The following PAPPA2 variants were observed in gnomAD, a reference collection of about 807,000 sequenced individuals.
The protein encoded by PAPPA2 is pappalysin 2, also known as pappalysin-2.
A neutral mutation model predicts 176.4 loss-of-function variants in PAPPA2; 86 were observed. The ratio of observed to expected loss-of-function variants is 0.49; its 90% CI spans 0.41 to 0.58. PAPPA2 has a LOEUF of 0.58. PAPPA2 is among the 20% of genes least tolerant of loss of function. The pLI is 0.00. For missense variants in PAPPA2, 2,073 were observed against 2,256.9 expected (o/e 0.92, Z 1.65); for synonymous variants, 809 against 852.2 (o/e 0.95, Z 0.88).
At chr1:176,494,183 G>A (rs1209342058) in intron 1 of PAPPA2, among the ~76,000 whole-genome samples, 4 of 152,150 alleles carry the variant, frequency 2.6e-5, no homozygotes, top group Non-Finnish European at 4.4e-5. Flanking sequence ...GGTGGGGAGT[G>A]GAGTCTGTTC....
intron 12 of PAPPA2, among the ~76,000 whole-genome samples, chr1:176,734,113 A>C (rs1179387967): frequency 6.6e-6 from 1 of 152,138 alleles, no homozygotes; most frequent in Non-Finnish European, 1.5e-5. Context: ...GACACATCAC[A>C]GTATCCAATA....
At chr1:176,618,089 A>C (rs1655372113) in intron 3 of PAPPA2, among the ~76,000 whole-genome samples, 1 of 152,222 alleles carries the variant, frequency 6.6e-6, no homozygotes, top group Non-Finnish European at 1.5e-5. Flanking sequence ...TGAGAAATGT[A>C]GTTAAGTTGC....
chr1:176,757,978 A>C (rs905344108), intron 14 of PAPPA2, among the ~76,000 whole-genome samples: 1 of 152,182 alleles, frequency 6.6e-6, no homozygotes, highest in African/African-American at 2.4e-5. Context: ...CATTCTAGGA[A>C]GAGATGGACA....
intron 3 of PAPPA2, among the ~76,000 whole-genome samples, chr1:176,644,013 G>C (rs1421449692): frequency 6.6e-6 from 1 of 151,792 alleles, no homozygotes; most frequent in African/African-American, 2.4e-5. Flanking sequence ...TCTTTTCTCA[G>C]CCACCTCAAC....
At chr1:176,703,297 T>C (rs1660743006) in intron 9 of PAPPA2, among the ~76,000 whole-genome samples, 1 of 152,172 alleles carries the variant, frequency 6.6e-6, no homozygotes, top group South Asian at 2.1e-4. Context: ...GAATCACCCT[T>C]TCTGTTTCTT....
chr1:176,652,550 A>T (rs1182606262), intron 3 of PAPPA2, among the ~76,000 whole-genome samples: 2 of 151,716 alleles, frequency 1.3e-5, no homozygotes, highest in Non-Finnish European at 3.0e-5. Context: ...AGTCTGCTAC[A>T]GCATGGTCTT....
intron 21 of PAPPA2, among the ~76,000 whole-genome samples, chr1:176,837,584 G>T (rs1571402021): frequency 6.6e-6 from 1 of 151,300 alleles, no homozygotes; most frequent in Non-Finnish European, 1.5e-5. Flanking sequence ...ATAAGCTTCA[G>T]ATATTTGAAA....
chr1:176,695,925 A>G (rs1660356639), intron 7 of PAPPA2, 66 bp downstream of exon 7: 32 of 1,584,402 alleles, frequency 2.0e-5, no homozygotes, highest in Non-Finnish European at 2.1e-5. Context: ...GGAGGTAAAG[A>G]GTGGAGTAGT....
At chr1:176,625,138 G>A (rs1280837754) in intron 3 of PAPPA2, among the ~76,000 whole-genome samples, 16 of 152,172 alleles carry the variant, frequency 1.1e-4, no homozygotes, top group Admixed American at 1.0e-3. Context: ...CAATACCACA[G>A]GAGTAAGAAA....
At chr1:176,525,976 A>G (rs556607219) in intron 1 of PAPPA2, among the ~76,000 whole-genome samples, 2 of 152,218 alleles carry the variant, frequency 1.3e-5, no homozygotes, top group South Asian at 4.1e-4. Context: ...TTTACGATGA[A>G]GCTCCATGCT....
At chr1:176,526,113 G>A (rs1237155472) in intron 1 of PAPPA2, among the ~76,000 whole-genome samples, 1 of 152,150 alleles carries the variant, frequency 6.6e-6, no homozygotes, top group Non-Finnish European at 1.5e-5. Context: ...GCTGTTTATG[G>A]ATTCCTCTAC....
chr1:176,766,557 A>C (rs994848694), intron 15 of PAPPA2, among the ~76,000 whole-genome samples: 3 of 152,252 alleles, frequency 2.0e-5, no homozygotes, highest in Non-Finnish European at 4.4e-5. Context: ...TTAGAACAGA[A>C]TACTTATCTG....
intron 4 of PAPPA2, 50 bp from the exon 5 acceptor site, chr1:176,690,087 A>C: frequency 2.8e-6 from 4 of 1,444,906 alleles, no homozygotes; most frequent in Non-Finnish European, 3.8e-6. Flanking sequence ...TAAGGATTGG[A>C]GAGCTATTCA....
At chr1:176,752,453 A>C (rs1426245092) in intron 14 of PAPPA2, among the ~76,000 whole-genome samples, 2 of 151,966 alleles carry the variant, frequency 1.3e-5, no homozygotes, top group Non-Finnish European at 2.9e-5. Context: ...ACATATACAT[A>C]TAATTAACAT....
At chr1:176,564,275 G>T (rs925909938) in intron 2 of PAPPA2, among the ~76,000 whole-genome samples, 4 of 152,178 alleles carry the variant, frequency 2.6e-5, no homozygotes, top group South Asian at 4.1e-4. Flanking sequence ...TTGAGTCCAA[G>T]CTCTTGAGCC....
chr1:176,690,594 T>C, intron 5 of PAPPA2, 164 bp downstream of exon 5: 1 of 1,409,684 alleles, frequency 7.1e-7, no homozygotes, highest in Non-Finnish European at 9.3e-7. Context: ...TTCATGTCTT[T>C]GAAGAACTTG....
intron 1 of PAPPA2, among the ~76,000 whole-genome samples, chr1:176,515,142 A>G (rs1303909520): frequency 6.6e-6 from 1 of 152,250 alleles, no homozygotes; most frequent in Non-Finnish European, 1.5e-5. Flanking sequence ...GAGAGTGCCA[A>G]TAAAACACTG....
At chr1:176,683,466 G>A (rs1013762657) in intron 4 of PAPPA2, among the ~76,000 whole-genome samples, 17 of 152,102 alleles carry the variant, frequency 1.1e-4, no homozygotes, top group African/African-American at 4.1e-4. Flanking sequence ...ACACATTCAG[G>A]TATGCAAGAA....
At chr1:176,745,190 C>T (rs1662852066) in intron 14 of PAPPA2, among the ~76,000 whole-genome samples, 3 of 152,174 alleles carry the variant, frequency 2.0e-5, no homozygotes, top group Admixed American at 1.3e-4. Context: ...TCATGTTACA[C>T]ATCATCAGTA....
Sources: allele counts gnomAD v4.1 joint callset (sites outside exome capture counted in the v4.1 genomes callset), GRCh38; gene constraint gnomAD v4.1.1; transcripts MANE v1.5; gene names NCBI Gene and HGNC (gene_info 2026-07-23, HGNC 2026-07-21).